Variants in LCK observed in about 807,000 individuals in gnomAD.
LCK encodes the protein tyrosine-protein kinase Lck.
In LCK, 14 loss-of-function variants were observed where a neutral mutation model predicts 64.6. The ratio of observed to expected loss-of-function variants is 0.22; its 90% CI spans 0.14 to 0.34. The LOEUF (loss-of-function observed/expected upper bound fraction) is 0.34, where lower values mean the gene tolerates loss of function less well. LCK is among the 10% of genes least tolerant of loss of function. The pLI, the probability that LCK is intolerant of heterozygous loss-of-function variation, is 1.00. For missense variants in LCK, 434 were observed against 668.1 expected, an observed-to-expected ratio of 0.65 and a Z score of 3.86; for synonymous variants, 277 against 263.6, an observed-to-expected ratio of 1.05 and a Z score of -0.49.
At chr1:32,271,790 C>T (rs1640086549) in intron 1 of LCK, among the ~76,000 whole-genome samples, 2 of 152,160 alleles carry the variant, frequency 1.3e-5, no homozygotes, top group Non-Finnish European at 2.9e-5. Flanking sequence ...ATTTTGGGTG[C>T]TGGTGGCTTT....
chr1:32,263,362 C>T (rs1446463005), intron 1 of LCK, among the ~76,000 whole-genome samples: 1 of 151,456 alleles, frequency 6.6e-6, no homozygotes. Context: ...CACTGCACTC[C>T]AGCCTGGGGG....
At chr1:32,254,997 A>T (rs934194089) in intron 1 of LCK, among the ~76,000 whole-genome samples, 13 of 150,654 alleles carry the variant, frequency 8.6e-5, no homozygotes, top group African/African-American at 3.2e-4. Flanking sequence ...TAATTATTTA[A>T]AAAAAAAATA....
chr1:32,257,546 C>T (rs951937144), intron 1 of LCK, among the ~76,000 whole-genome samples: 6 of 152,040 alleles, frequency 3.9e-5, no homozygotes, highest in African/African-American at 1.2e-4. Flanking sequence ...TGAACCACCA[C>T]GCCTGGTGCC....
rs776946783 is a variant in LCK at position 32,276,823 on chromosome 1, C to G, written c.964+37C>G. On this transcript the variant is annotated intron_variant, in intron 9 of 12. Transcript: ENST00000336890. This position sits in a 1 kb window ranked among gnomAD's most constrained non-coding sequence, Gnocchi z 4.6. ...CCGAGTCGGCTACCAGGGGATACTGCTCTCCCTGCTGTCCCTGCCAGAGGG... is the reference window on the plus strand; with the variant it reads ...CCGAGTCGGCTACCAGGGGATACTGGTCTCCCTGCTGTCCCTGCCAGAGGG... 6.5e-7 allele frequency: 1 copy of G among 1,537,740 alleles called. No individual in the cohort carries two copies. Among genetic ancestry groups the G allele is most frequent in the Non-Finnish European group, 8.8e-7 (1 of 1,132,714 alleles).
rs573532626 is a variant in LCK, at chr1:32,276,176, A to T, written c.631+113A>T. The T allele has an allele frequency of 2.7e-6, 4 of 1,471,022 alleles. No homozygotes were observed. The East Asian group carries it at 9.2e-5, about 34-fold the overall frequency. The allele number at this position is 1,471,022 out of a possible 1,614,324, so 91.1% of individuals were successfully genotyped here. On this transcript the variant is annotated intron_variant, in intron 7 of 12. Coordinates refer to ENST00000336890, the MANE Select transcript of LCK (RefSeq NM_005356.5). This position sits in a 1 kb window ranked among gnomAD's most constrained non-coding sequence, Gnocchi z 4.6. ...CCTACTCCATTCCCCGCAGTGGGTG[A>T]GGTGTGGAACCTGACCCTACGGCCC...
intron 3 of LCK, 35 bp downstream of exon 3, chr1:32,274,853 C>T: frequency 3.1e-6 from 5 of 1,613,958 alleles, no homozygotes; most frequent in African/African-American, 1.3e-5. Context: ...AAGACAAGGC[C>T]TGCGGATCCC....
At chr1:32,277,698 C>G (rs1396365586) in intron 9 of LCK, among the ~76,000 whole-genome samples, 1 of 152,296 alleles carries the variant, frequency 6.6e-6, no homozygotes, top group South Asian at 2.1e-4. Context: ...AGAAATAATA[C>G]AGAGTATTCA....
chr1:32,274,378 A>G lies in LCK; in HGVS notation c.49A>G (p.Ile17Val), dbSNP rs1422197069. 6.2e-7 allele frequency: 1 copy of G among 1,614,142 alleles called. No homozygotes were observed. Among genetic ancestry groups the G allele is most frequent in the Non-Finnish European group, 8.5e-7 (1 of 1,180,000 alleles). Residue 17 changes from isoleucine to valine, a missense_variant, in exon 2 of 13, where the codon ATC becomes GTC. Around this residue, in one of 2 missense-constraint regions of LCK, gnomAD observed 233 missense variants for 291.2 expected, o/e 0.80. Transcript: ENST00000336890. ...CCCGGAAGATGACTGGATGGAAAAC[A>G]TCGATGTGTGTGAGAACTGCCATTA... ...SHPEDDWMEN[I>V]DVCENCHYPI...
rs1364990838 is a variant in LCK at position 32,251,770 on chromosome 1, TGA to T, written c.-6+403_-6+404del. On this transcript the variant is annotated intron_variant, in intron 1 of 12. Transcript: ENST00000336890. This position sits in a 1 kb window ranked among gnomAD's most constrained non-coding sequence, Gnocchi z 4.0. The stretch of plus-strand genomic sequence containing the variant: ...TTTCTCAGCAAGGCAGTGGCAGGGC[TGA>T]GAGTGATGGCTGAGGCTGTGGCCAC... Among the ~76,000 whole-genome samples, 1 of 152,024 alleles carries T rather than the reference TGA, an allele frequency of 6.6e-6. No homozygotes were observed. Among genetic ancestry groups the T allele is most frequent in the Non-Finnish European group, 1.5e-5 (1 of 67,986 alleles).
At chr1:32,272,016 C>T (rs1042616134) in intron 1 of LCK, among the ~76,000 whole-genome samples, 1 of 151,912 alleles carries the variant, frequency 6.6e-6, no homozygotes. Flanking sequence ...GATATTTAGG[C>T]CAGGTGCCTG....
At chr1:32,266,410 A>G (rs1459306401) in intron 1 of LCK, among the ~76,000 whole-genome samples, 1 of 149,210 alleles carries the variant, frequency 6.7e-6, no homozygotes, top group Non-Finnish European at 1.5e-5. Flanking sequence ...AGGCAGGAGA[A>G]GGGCGTGAAC....
At chr1:32,269,048 A>C (rs1640006554) in intron 1 of LCK, among the ~76,000 whole-genome samples, 1 of 150,080 alleles carries the variant, frequency 6.7e-6, no homozygotes, top group South Asian at 2.1e-4. Flanking sequence ...GGGAGGAGAG[A>C]CAGAGCTTGC....
At chr1:32,264,472 C>G (rs1193742076) in intron 1 of LCK, among the ~76,000 whole-genome samples, 2 of 151,304 alleles carry the variant, frequency 1.3e-5, no homozygotes, top group South Asian at 4.2e-4. Context: ...GCCTGGGCAA[C>G]GTAGTGAGAC....
chr1:32,280,224 G>A lies in LCK; in HGVS notation c.1327+14G>A. 1 of 1,613,870 alleles carries A rather than the reference G, an allele frequency of 6.2e-7. No homozygotes were observed. Among genetic ancestry groups the A allele is most frequent in the South Asian group, 1.1e-5 (1 of 91,054 alleles). ...TCCCTTACCCAGGTTAGAGCCAAGG[G>A]CAGGAACTGAAAGGGTGATGGGAAG... On this transcript the variant is annotated intron_variant, in intron 12 of 12. Transcript: ENST00000336890.
At chr1:32,272,623 AAGAGAG>A (rs145594259) in intron 1 of LCK, among the ~76,000 whole-genome samples, 47 of 123,140 alleles carry the variant, frequency 3.8e-4, no homozygotes, top group Admixed American at 6.3e-4. Context: ...GAGAGAGAGA[AAGAGAG>A]AGAGAGAGAG....
At chr1:32,265,673 G>A (rs896300141) in intron 1 of LCK, among the ~76,000 whole-genome samples, 4 of 152,060 alleles carry the variant, frequency 2.6e-5, no homozygotes, top group South Asian at 2.1e-4. Flanking sequence ...CTAGCCCAAG[G>A]CCTTGTGATT....
rs759101218 is a variant in LCK at position 32,274,451 on chromosome 1, G to A, written c.105+17G>A. ...AAGGGCACGGTAAGAGGCGAGACAG[G>A]GGCCTTGGTGAGGGAGTTGGGTAGA... is the stretch of plus-strand genomic sequence containing the variant. On this transcript the variant is annotated intron_variant, in intron 2 of 12. Coordinates refer to ENST00000336890, the MANE Select transcript of LCK (RefSeq NM_005356.5). 2 of 1,594,104 alleles carry A rather than the reference G, an allele frequency of 1.3e-6. No individual in the cohort carries two copies. The highest frequency in any genetic ancestry group is 1.7e-6 in the Non-Finnish European group (2 of 1,166,456).
intron 9 of LCK, among the ~76,000 whole-genome samples, chr1:32,277,830 T>C (rs1640328235): frequency 1.3e-5 from 2 of 152,106 alleles, no homozygotes; most frequent in South Asian, 4.1e-4. Flanking sequence ...GTTAGTAACT[T>C]CCTCACAGGG....
At chr1:32,282,988 A>C (rs1273761266) in intron 12 of LCK, among the ~76,000 whole-genome samples, 1 of 151,586 alleles carries the variant, frequency 6.6e-6, no homozygotes, top group African/African-American at 2.4e-5. Flanking sequence ...CCTATGCCCC[A>C]GTTTTAAAAT....
Sources: gnomAD v4.1 joint callset for allele counts (sites outside exome capture counted in the v4.1 genomes callset) on GRCh38, gnomAD v4.1.1 for gene constraint, gnomAD v4.1.1 regional missense constraint, Gnocchi (gnomAD v3.1) non-coding constraint, MANE v1.5 for transcripts, NCBI Gene and HGNC (gene_info 2026-07-23, HGNC 2026-07-21) for gene names.